Variants in NRXN1 observed in about 807,000 individuals in gnomAD.
NRXN1 encodes the protein neurexin-1.
NRXN1 carries 39 observed loss-of-function variants against 150.9 expected under a neutral mutation model. The ratio of observed to expected loss-of-function variants is 0.26; its 90% confidence interval spans 0.20 to 0.34. The LOEUF (loss-of-function observed/expected upper bound fraction) is 0.34, where lower values mean the gene tolerates loss of function less well. NRXN1 is among the 10% of genes least tolerant of loss of function. NRXN1 has a pLI of 1.00. For synonymous variants in NRXN1, 924 were observed against 757.0 expected, an observed-to-expected ratio of 1.22 and a Z score of -3.62; for missense variants, 1,815 against 1,949.9, an observed-to-expected ratio of 0.93 and a Z score of 1.30.
chr2:50,214,877 G>T (rs894509747), intron 18 of NRXN1, among the ~76,000 whole-genome samples: 1 of 151,928 alleles, frequency 6.6e-6, no homozygotes, highest in Non-Finnish European at 1.5e-5. Flanking sequence ...CTATAAGGTG[G>T]ATAGGAAAGT....
chr2:50,747,445 T>A (rs1475532291), intron 5 of NRXN1, among the ~76,000 whole-genome samples: 2 of 152,132 alleles, frequency 1.3e-5, no homozygotes, highest in Non-Finnish European at 2.9e-5. Context: ...TAATTTTCTC[T>A]TGCTCTTCAC....
intron 5 of NRXN1, among the ~76,000 whole-genome samples, chr2:50,782,525 T>C (rs986368739): frequency 6.6e-6 from 1 of 152,076 alleles, no homozygotes; most frequent in Admixed American, 6.6e-5. Context: ...TAAAGCTGGA[T>C]TGTAGCACCT....
intron 5 of NRXN1, among the ~76,000 whole-genome samples, chr2:50,674,705 T>C (rs1689317906): frequency 6.6e-6 from 1 of 152,000 alleles, no homozygotes; most frequent in African/African-American, 2.4e-5. Flanking sequence ...GTGGTAAAAG[T>C]TGAAAATGAC....
intron 5 of NRXN1, among the ~76,000 whole-genome samples, chr2:50,897,336 A>G (rs965185124): frequency 6.6e-6 from 1 of 152,204 alleles, no homozygotes; most frequent in Non-Finnish European, 1.5e-5. Context: ...TACTTTCAAC[A>G]CAAAATTTTT....
rs1273949208 is a variant in NRXN1, at chr2:50,610,668, T to G, written c.1320+9354A>C. Among the ~76,000 whole-genome samples the G allele has an allele frequency of 3.7e-4, 47 of 127,480 alleles. 2 individuals carry two copies. The highest frequency in any genetic ancestry group is 6.9e-4 in the Non-Finnish European group (42 of 60,998). 83.6% of individuals were successfully genotyped at this position (127,480 alleles called of 152,430 possible). On this transcript the variant is annotated intron_variant, in intron 8 of 22. Transcript: ENST00000401669. ...ATATATATATATATATATATATATA[T>G]ATATATATATCTGTACAAAACAGAA...
intron 9 of NRXN1, among the ~76,000 whole-genome samples, chr2:50,540,047 T>C (rs2093354312): frequency 6.6e-6 from 1 of 152,154 alleles, no homozygotes; most frequent in Non-Finnish European, 1.5e-5. Flanking sequence ...GGCAGTCTAA[T>C]GGGATCTGTC....
Position 50,479,414 on chromosome 2 carries a change from T to C in NRXN1, c.3071-6943A>G, listed in dbSNP as rs577868477. Among the ~76,000 whole-genome samples, 30 of 152,316 alleles carry C rather than the reference T, an allele frequency of 2.0e-4. 1 individual carries two copies. The highest frequency in any genetic ancestry group is 6.3e-4 in the African/African-American group (26 of 41,568). The stretch of plus-strand genomic sequence containing the variant: ...CTGTTTCCTTAGCCACAGATAAATA[T>C]CTTGGAATCCTCATAAAAAATTGAA... On this transcript the variant is annotated intron_variant, in intron 15 of 22. Transcript: ENST00000401669.
chr2:49,958,841 C>T (rs1451391995), intron 21 of NRXN1, among the ~76,000 whole-genome samples: 1 of 152,124 alleles, frequency 6.6e-6, no homozygotes, highest in East Asian at 1.9e-4. Flanking sequence ...CTCTTTCTTC[C>T]TTCCAATTTG....
intron 18 of NRXN1, among the ~76,000 whole-genome samples, chr2:50,127,593 C>T (rs781136735): frequency 6.6e-6 from 1 of 152,058 alleles, no homozygotes; most frequent in Non-Finnish European, 1.5e-5. Flanking sequence ...ATTTAATGTG[C>T]CTTCTTTACT....
chr2:50,604,110 G>A (rs1676716402), intron 8 of NRXN1, among the ~76,000 whole-genome samples: 1 of 152,120 alleles, frequency 6.6e-6, no homozygotes, highest in Admixed American at 6.5e-5. Context: ...ATCTGTTTCA[G>A]TATATTTACA....
At chr2:50,194,333 T>A (rs767589562) in intron 18 of NRXN1, among the ~76,000 whole-genome samples, 1 of 152,144 alleles carries the variant, frequency 6.6e-6, no homozygotes, top group African/African-American at 2.4e-5. Context: ...TTCTGGCTAT[T>A]TATATGAGCA....
At chr2:50,548,456 A>T (rs1225946931) in intron 9 of NRXN1, among the ~76,000 whole-genome samples, 2 of 152,226 alleles carry the variant, frequency 1.3e-5, no homozygotes, top group Admixed American at 6.5e-5. Flanking sequence ...ATAAATGCTT[A>T]CAGTTAAAAA....
chr2:49,997,563 G>A (rs17493116), intron 21 of NRXN1, among the ~76,000 whole-genome samples: 72,148 of 151,880 alleles, frequency 0.48, 17,708 homozygotes, highest in Middle Eastern at 0.62. Context: ...AACTTCTCAA[G>A]TATTTTCTGA....
At chr2:50,223,241 G>T (rs1574584455) in intron 18 of NRXN1, among the ~76,000 whole-genome samples, 1 of 151,890 alleles carries the variant, frequency 6.6e-6, no homozygotes, top group Non-Finnish European at 1.5e-5. Context: ...GAAGGACAAA[G>T]TTAAGGAAAA....
intron 22 of NRXN1, among the ~76,000 whole-genome samples, chr2:49,940,552 A>G (rs1011898226): frequency 5.9e-5 from 9 of 152,242 alleles, no homozygotes; most frequent in Non-Finnish European, 2.9e-5. Context: ...CATTATTCAG[A>G]CTTAAACAGG....
chr2:50,952,923 T>C (rs1479234520), intron 2 of NRXN1, among the ~76,000 whole-genome samples: 1 of 152,194 alleles, frequency 6.6e-6, no homozygotes, highest in Non-Finnish European at 1.5e-5. Flanking sequence ...AAGAAGTGAA[T>C]CGTTTCTTAT....
intron 18 of NRXN1, among the ~76,000 whole-genome samples, chr2:50,157,400 A>G (rs2059088827): frequency 6.6e-6 from 1 of 152,098 alleles, no homozygotes; most frequent in South Asian, 2.1e-4. Context: ...TAATATTTAC[A>G]TATGAAATTA....
intron 18 of NRXN1, among the ~76,000 whole-genome samples, chr2:50,171,988 T>C (rs889779119): frequency 7.2e-5 from 11 of 152,168 alleles, no homozygotes; most frequent in Admixed American, 7.2e-4. Flanking sequence ...TGACCCTCTT[T>C]ACTCAATCCA....
chr2:50,423,277 C>T (rs1394450917), intron 17 of NRXN1, among the ~76,000 whole-genome samples: 2 of 152,030 alleles, frequency 1.3e-5, no homozygotes, highest in Non-Finnish European at 2.9e-5. Context: ...TATCTGTATG[C>T]CCCAGCATGA....
Sources: allele counts gnomAD v4.1 joint callset (sites outside exome capture counted in the v4.1 genomes callset), GRCh38; gene constraint gnomAD v4.1.1; transcripts MANE v1.5; gene names NCBI Gene and HGNC (gene_info 2026-07-23, HGNC 2026-07-21).